Variants in STON2 observed in about 807,000 individuals in gnomAD.
The protein encoded by STON2 is stonin 2, also known as stonin-2.
STON2 carries 29 observed loss-of-function variants against 65.7 expected under a neutral mutation model. The ratio of observed to expected loss-of-function variants is 0.44; its 90% CI spans 0.33 to 0.60. The LOEUF is 0.60. Among genes scored for constraint, STON2 ranks in the 20% least tolerant of loss-of-function variants. STON2 has a pLI of 0.03. For missense variants in STON2, 1,054 were observed against 1,118.1 expected (o/e 0.94, Z 0.82); for synonymous variants, 404 against 414.2 (o/e 0.98, Z 0.30).
At chr14:81,339,893 G>A (rs965713932) in intron 4 of STON2, among the ~76,000 whole-genome samples, 13 of 152,150 alleles carry the variant, frequency 8.5e-5, no homozygotes, top group African/African-American at 2.7e-4. Flanking sequence ...GGTGGCTCAC[G>A]CCTGTAATCC....
At chr14:81,411,551 A>G (rs143779951) in intron 2 of STON2, among the ~76,000 whole-genome samples, 4,201 of 152,276 alleles carry the variant, frequency 0.028, 206 homozygotes, top group African/African-American at 0.095. Context: ...TACTAAAAAT[A>G]CAAAAATTAG....
At chr14:81,303,493 T>G (rs546947917) in intron 5 of STON2, among the ~76,000 whole-genome samples, 1 of 152,250 alleles carries the variant, frequency 6.6e-6, no homozygotes, top group African/African-American at 2.4e-5. Context: ...GGCTGAGTCA[T>G]TGCGCCACCA....
In STON2 at chr14:81,371,070, G is replaced by C. The variant is rs759410869; in HGVS notation, c.489C>G (p.Ser163Arg). Residue 163 changes from serine (S) to arginine (R), a missense_variant, in exon 4 of 8, where the codon AGC becomes AGG. Ser to Arg is a moderately radical substitution (Grantham distance 110). Transcript: ENST00000614646. ...TTHSEDTSSP[S>R]FGCSYTDLQL... is the part of the protein sequence containing the mutation. ...GCAGATCTGTATACGAACATCCAAA[G>C]CTAGGACTGCTGGTGTCTTCAGAAT... The C allele has an allele frequency of 3.1e-6, 5 of 1,614,038 alleles. No homozygotes were observed. In the South Asian group the frequency reaches 4.4e-5, roughly 14 times the overall value.
At chr14:81,328,709 T>G (rs76967813) in intron 4 of STON2, among the ~76,000 whole-genome samples, 25 of 152,238 alleles carry the variant, frequency 1.6e-4, no homozygotes, top group Middle Eastern at 3.4e-3. Flanking sequence ...GGATGCCTCA[T>G]GAACAGATCA....
chr14:81,266,661 T>G lies in STON2; in HGVS notation c.*1753A>C. On this transcript the variant is annotated 3_prime_UTR_variant, in exon 8 of 8. Coordinates refer to ENST00000614646, the MANE Select transcript of STON2 (RefSeq NM_001394390.1). The stretch of plus-strand genomic sequence containing the variant: ...GAGGGTTAATAAAAGCATGTAAGGC[T>G]TTTATTAACACCAGCTGACTACATT... 2 of 985,162 alleles carry G rather than the reference T, an allele frequency of 2.0e-6. No homozygotes were observed. The highest frequency in any genetic ancestry group is 2.4e-6 in the Non-Finnish European group (2 of 829,670). The allele number at this position is 985,162 out of a possible 1,614,324, so 61.0% of individuals were successfully genotyped here.
At chr14:81,338,705 G>C (rs975843849) in intron 4 of STON2, among the ~76,000 whole-genome samples, 3 of 152,220 alleles carry the variant, frequency 2.0e-5, no homozygotes, top group Non-Finnish European at 4.4e-5. Flanking sequence ...CAGGTAGATA[G>C]TGTCAGAATT....
At position 81,413,974 on chromosome 14, in the gene STON2, GA is replaced by G. The variant is rs1306648905; in HGVS notation, c.-199+13127del. On this transcript the variant is annotated intron_variant, in intron 2 of 8. Transcript: ENST00000553821. ...ATAAAGTGTTTTATTTCTTTATAAA[GA>G]AAAAAAAAGATAATGATGGCCAGAG... is the stretch of plus-strand genomic sequence containing the variant. Among the ~76,000 whole-genome samples, 13 of 136,150 alleles carry G rather than the reference GA, an allele frequency of 9.5e-5. 1 individual carries two copies. Among genetic ancestry groups the G allele is most frequent in the Non-Finnish European group, 1.5e-4 (10 of 66,016 alleles). 89.3% of individuals were successfully genotyped at this position (136,150 alleles called of 152,430 possible).
At chr14:81,383,999 G>A (rs1212636281) in intron 3 of STON2, among the ~76,000 whole-genome samples, 4 of 152,066 alleles carry the variant, frequency 2.6e-5, no homozygotes, top group African/African-American at 9.7e-5. Context: ...CACACCAAGA[G>A]CACAGGTGCC....
Position 81,371,013 on chromosome 14 carries a change from GC to G in STON2, c.545del (p.Gly182AlafsTer23), listed in dbSNP as rs773871321. ...CAGTTGAGTCAGCCCCAGAAGCCTGGCCACTCGTCTGCTCCTCAGCATTGAT... is the reference window on the plus strand; with the variant it reads ...CAGTTGAGTCAGCCCCAGAAGCCTGGCACTCGTCTGCTCCTCAGCATTGAT... ...QLINAEEQTS[G>X]QASGADSTDK... On this transcript the variant is annotated frameshift_variant, in exon 4 of 8. Coordinates refer to ENST00000614646, the MANE Select transcript of STON2 (RefSeq NM_001394390.1). LOFTEE classifies it high-confidence loss of function. 6.2e-7 allele frequency: 1 copy of G among 1,612,918 alleles called. No homozygotes were observed. The highest frequency in any genetic ancestry group is 8.5e-7 in the Non-Finnish European group (1 of 1,179,978).
intron 2 of STON2, among the ~76,000 whole-genome samples, chr14:81,422,986 G>A (rs1366689117): frequency 6.6e-6 from 1 of 151,310 alleles, no homozygotes; most frequent in Admixed American, 6.6e-5. Flanking sequence ...AGTGAGCCAA[G>A]ATGGCACCAC....
At chr14:81,314,642 T>C (rs1010831537) in intron 5 of STON2, among the ~76,000 whole-genome samples, 1 of 152,198 alleles carries the variant, frequency 6.6e-6, no homozygotes, top group Non-Finnish European at 1.5e-5. Flanking sequence ...CAATTAGCCC[T>C]AAGCTCTGAT....
intron 3 of STON2, among the ~76,000 whole-genome samples, chr14:81,374,310 C>T (rs1014748075): frequency 1.3e-5 from 2 of 151,680 alleles, no homozygotes; most frequent in African/African-American, 2.4e-5. Flanking sequence ...TGAGCCACCA[C>T]GCCCGGCCAA....
chr14:81,283,582 A>G (rs568002524), intron 5 of STON2, among the ~76,000 whole-genome samples: 4 of 144,400 alleles, frequency 2.8e-5, no homozygotes, highest in South Asian at 4.4e-4. Context: ...CCAAGCTGGA[A>G]TGCAGTGGCG....
At chr14:81,296,915 T>A (rs951842403) in intron 5 of STON2, among the ~76,000 whole-genome samples, 11 of 150,164 alleles carry the variant, frequency 7.3e-5, no homozygotes, top group Non-Finnish European at 1.5e-4. Flanking sequence ...TGATTAAGCT[T>A]GTGTAAGAGG....
intron 2 of STON2, among the ~76,000 whole-genome samples, chr14:81,421,293 CAGA>C (rs1901692538): frequency 6.6e-6 from 1 of 152,092 alleles, no homozygotes. Flanking sequence ...AGCAATGAGC[CAGA>C]AGGAGAAAAG....
chr14:81,330,088 G>A (rs537484142), intron 4 of STON2, among the ~76,000 whole-genome samples: 12 of 151,992 alleles, frequency 7.9e-5, no homozygotes, highest in Non-Finnish European at 1.6e-4. Flanking sequence ...TTGTATCTCA[G>A]GGAGGCTCCA....
At chr14:81,322,118 T>C (rs952792964) in intron 5 of STON2, among the ~76,000 whole-genome samples, 15 of 152,174 alleles carry the variant, frequency 9.9e-5, no homozygotes, top group African/African-American at 3.4e-4. Context: ...ACCTCTTGAA[T>C]TGGTGCCATC....
At chr14:81,305,880 G>A (rs182142940) in intron 5 of STON2, among the ~76,000 whole-genome samples, 44 of 152,102 alleles carry the variant, frequency 2.9e-4, no homozygotes, top group Admixed American at 5.2e-4. Context: ...AAAACTTTTC[G>A]CCTGGTATTT....
chr14:81,414,693 ACT>A (rs983796835), intron 2 of STON2, among the ~76,000 whole-genome samples: 4 of 152,086 alleles, frequency 2.6e-5, no homozygotes, highest in African/African-American at 9.7e-5. Context: ...CTCTACGATA[ACT>A]CTGCCACTCG....
Sources: allele counts gnomAD v4.1 joint callset (sites outside exome capture counted in the v4.1 genomes callset), GRCh38; gene constraint gnomAD v4.1.1; transcripts MANE v1.5; gene names NCBI Gene and HGNC (gene_info 2026-07-23, HGNC 2026-07-21).